The following GYG1 variants were observed in gnomAD, a reference collection of about 807,000 sequenced individuals.
GYG1 encodes the protein glycogenin 1.
Under a neutral mutation model 41.9 loss-of-function variants are expected in GYG1, and 44 were observed. The observed-to-expected ratio is 1.05, with a 90% CI of 0.83 to 1.35. The LOEUF is 1.35. GYG1 is among the 40% of genes most tolerant of loss of function. The pLI is 0.00. For missense variants in GYG1, 429 were observed against 418.9 expected (o/e 1.02, Z -0.21); for synonymous variants, 141 against 158.1 (o/e 0.89, Z 0.81).
chr3:148,993,378 G>C (rs1276595416), intron 1 of GYG1, among the ~76,000 whole-genome samples: 1 of 152,126 alleles, frequency 6.6e-6, no homozygotes, highest in African/African-American at 2.4e-5. Context: ...GCAGGCAGTT[G>C]TTTAGGGCTT....
At position 149,010,671 on chromosome 3, in the gene GYG1, G is replaced by A. The variant is rs555105895; in HGVS notation, c.608+1269G>A. 3.9e-5 allele frequency among the ~76,000 whole-genome samples: 6 copies of A among 152,286 alleles called. No homozygotes were observed. In the East Asian group the frequency reaches 1.2e-3, roughly 29 times the overall value. On this transcript the variant is annotated intron_variant, in intron 5 of 7. Transcript: ENST00000345003. Reference sequence around the variant, plus strand: ...ACCTTACAACTAATACAGCCTTGCTGCACTGTTTATCTCACTGTTAGGGAC... The same window carrying A: ...ACCTTACAACTAATACAGCCTTGCTACACTGTTTATCTCACTGTTAGGGAC...
intron 4 of GYG1, among the ~76,000 whole-genome samples, chr3:149,004,773 C>G (rs1402781238): frequency 6.6e-6 from 1 of 152,224 alleles, no homozygotes; most frequent in Non-Finnish European, 1.5e-5. Context: ...ACTGTTGATT[C>G]ACCAGTTCTG....
intron 4 of GYG1, chr3:149,008,965 C>G: frequency 3.3e-6 from 1 of 300,314 alleles, no homozygotes; most frequent in South Asian, 3.4e-5. Flanking sequence ...CGAGTCCAGC[C>G]TGGCCAACAC....
At chr3:149,022,978 A>C (rs748335755) in intron 5 of GYG1, among the ~76,000 whole-genome samples, 1 of 152,200 alleles carries the variant, frequency 6.6e-6, no homozygotes, top group Non-Finnish European at 1.5e-5. Context: ...AGATGGCTAT[A>C]TAACTATAAA....
At position 148,991,616 on chromosome 3, in the gene GYG1, G is replaced by A. The variant is rs1239967657; in HGVS notation, c.-25G>A. Reference sequence around the variant, plus strand: ...TGAGTCACCAACCTGAGGCTGCCCCGGCCGCCTGCGCACCCGGCAGCACCA... The same window carrying A: ...TGAGTCACCAACCTGAGGCTGCCCCAGCCGCCTGCGCACCCGGCAGCACCA... On this transcript the variant is annotated 5_prime_UTR_variant, in exon 1 of 8. Coordinates refer to ENST00000345003, the MANE Select transcript of GYG1 (RefSeq NM_004130.4). 2.6e-6 allele frequency: 4 copies of A among 1,554,498 alleles called. No individual in the cohort carries two copies. Among genetic ancestry groups the A allele is most frequent in the Admixed American group, 1.8e-5 (1 of 54,752 alleles).
chr3:149,031,660 A>G lies in GYG1; in HGVS notation c.*4727A>G, dbSNP rs1327197733. On this transcript the variant is annotated 3_prime_UTR_variant, in exon 8 of 8. Transcript: ENST00000345003. Reference sequence around the variant, plus strand: ...AGTCATTTATGTGAACTATATCTCAATGTAGCTGTAGGAAAAATAAAAACC... The same window carrying G: ...AGTCATTTATGTGAACTATATCTCAGTGTAGCTGTAGGAAAAATAAAAACC... The G allele has an allele frequency of 6.6e-6, 1 of 152,312 alleles. No homozygotes were observed. Among genetic ancestry groups the G allele is most frequent in the Admixed American group, 6.5e-5 (1 of 15,302 alleles). The allele number at this position is 152,312 out of a possible 1,614,324, so 9.4% of individuals were successfully genotyped here.
chr3:149,000,454 AAGAGAG>A (rs1559835972), intron 4 of GYG1, among the ~76,000 whole-genome samples: 1 of 152,210 alleles, frequency 6.6e-6, no homozygotes, highest in African/African-American at 2.4e-5. Flanking sequence ...CTAAGAGGGG[AAGAGAG>A]AGCTCATTAT....
Position 149,024,233 on chromosome 3 carries a change from A to G in GYG1, c.789A>G (p.Gln263=). Residue 263 remains glutamine (Q), a synonymous_variant, in exon 6 of 8, where the codon CAA becomes CAG. Transcript: ENST00000345003. ...FTTNVLPLLQ[Q]FGLVKDTCSY... ...CCAACGTTTTACCTCTGCTTCAACA[A>G]TTTGGCCTTGTCAAAGACACCTGCT... The G allele has an allele frequency of 6.2e-7, 1 of 1,613,848 alleles. No individual in the cohort carries two copies. The highest frequency in any genetic ancestry group is 8.5e-7 in the Non-Finnish European group (1 of 1,179,700).
At chr3:148,994,633 T>C (rs911242863) in intron 2 of GYG1, among the ~76,000 whole-genome samples, 1 of 152,158 alleles carries the variant, frequency 6.6e-6, no homozygotes, top group Admixed American at 6.5e-5. Flanking sequence ...TCATGGACAT[T>C]CCTTTCCCAG....
chr3:149,022,521 T>C (rs1422287921), intron 5 of GYG1, among the ~76,000 whole-genome samples: 1 of 144,592 alleles, frequency 6.9e-6, no homozygotes. Flanking sequence ...TTTTTTGAGA[T>C]GGAGTCTCAC....
rs904662025 is a variant in GYG1, at chr3:149,030,739, G to A, written c.*3806G>A. ...CCTGCAGAAAGGTCTTGGTTTTGAT[G>A]AAAATCAGCCCTTTCCTTACCTGCT... On this transcript the variant is annotated 3_prime_UTR_variant, in exon 8 of 8. Transcript: ENST00000345003. 6.6e-6 allele frequency: 1 copy of A among 152,144 alleles called. No homozygotes were observed. The highest frequency in any genetic ancestry group is 1.5e-5 in the Non-Finnish European group (1 of 68,012). 9.4% of individuals were successfully genotyped at this position (152,144 alleles called of 1,614,324 possible).
chr3:149,002,280 C>T (rs943246493), intron 4 of GYG1, among the ~76,000 whole-genome samples: 3 of 152,186 alleles, frequency 2.0e-5, no homozygotes, highest in African/African-American at 7.2e-5. Flanking sequence ...AGACATCTAA[C>T]AACTAATACA....
chr3:148,994,586 C>G (rs943699692), intron 2 of GYG1, among the ~76,000 whole-genome samples: 8 of 152,148 alleles, frequency 5.3e-5, no homozygotes, highest in South Asian at 2.1e-4. Context: ...GTGTGTCAGG[C>G]ATTCCCTGCT....
chr3:149,013,488 A>G (rs2107908214), intron 5 of GYG1, among the ~76,000 whole-genome samples: 1 of 152,354 alleles, frequency 6.6e-6, no homozygotes. Context: ...TAATTGGTCA[A>G]ATTGAGTACA....
At chr3:149,004,903 G>A (rs1212850213) in intron 4 of GYG1, among the ~76,000 whole-genome samples, 1 of 152,184 alleles carries the variant, frequency 6.6e-6, no homozygotes, top group Non-Finnish European at 1.5e-5. Flanking sequence ...AAACAGAAAC[G>A]GCCTTTTGTG....
At chr3:148,997,311 G>A (rs377245247) in intron 4 of GYG1, among the ~76,000 whole-genome samples, 1 of 152,120 alleles carries the variant, frequency 6.6e-6, no homozygotes, top group Non-Finnish European at 1.5e-5. Flanking sequence ...TGTCACTATG[G>A]AAACTTGAGG....
rs866458190 is a variant in GYG1, at chr3:149,028,348, A to C, written c.*1415A>C. Among the ~76,000 whole-genome samples, 9 of 152,236 alleles carry C rather than the reference A, an allele frequency of 5.9e-5. No homozygotes were observed. Among genetic ancestry groups the C allele is most frequent in the African/African-American group, 1.9e-4 (8 of 41,454 alleles). ...CCTGAGGATTTACCTAGAATTATAA[A>C]ATATTAAATGATAAATGACTTCTGA... On this transcript the variant is annotated 3_prime_UTR_variant, in exon 8 of 8. Transcript: ENST00000345003.
At chr3:149,002,974 G>A (rs1055646304) in intron 4 of GYG1, among the ~76,000 whole-genome samples, 2 of 152,198 alleles carry the variant, frequency 1.3e-5, no homozygotes, top group African/African-American at 2.4e-5. Context: ...GCTGAGGTAC[G>A]CCACTGCACT....
rs112590964 is a variant in GYG1 at position 149,027,074 on chromosome 3, A to G, written c.*141A>G. ...TTATCAGATGAGAGGCTTTTTTAGG[A>G]TAAGAGGTGAGAACTGGGCAAAAGT... On this transcript the variant is annotated 3_prime_UTR_variant, in exon 8 of 8. Transcript: ENST00000345003. 3.4e-4 allele frequency: 291 copies of G among 844,758 alleles called. 1 individual carries two copies. The African/African-American group carries it at 4.3e-3, about 12-fold the overall frequency. 52.3% of individuals were successfully genotyped at this position (844,758 alleles called of 1,614,324 possible). A position where few individuals can be genotyped will look rare whatever the true frequency, so the allele number is the denominator to read the frequency against.
Sources: allele counts gnomAD v4.1 joint callset (sites outside exome capture counted in the v4.1 genomes callset), GRCh38; gene constraint gnomAD v4.1.1; transcripts MANE v1.5; gene names NCBI Gene and HGNC (gene_info 2026-07-23, HGNC 2026-07-21).